Variants in DCC observed in about 807,000 individuals in gnomAD.
DCC encodes the protein DCC netrin 1 receptor.
DCC carries 58 observed loss-of-function variants against 172.5 expected under a neutral mutation model. That is an observed-to-expected ratio of 0.34 (90% CI 0.27 to 0.42). The LOEUF (loss-of-function observed/expected upper bound fraction) is 0.42, where lower values mean the gene tolerates loss of function less well. DCC is among the 10% of genes least tolerant of loss of function. The pLI is 1.00. For missense variants in DCC, 1,740 were observed against 1,791.0 expected (o/e 0.97, Z 0.51); for synonymous variants, 709 against 644.5 (o/e 1.10, Z -1.52).
intron 2 of DCC, among the ~76,000 whole-genome samples, chr18:52,759,431 CCTTTT>C (rs1353141364): frequency 6.6e-6 from 1 of 152,110 alleles, no homozygotes; most frequent in Non-Finnish European, 1.5e-5. Flanking sequence ...CCTTTCATTT[CCTTTT>C]CTTTGTTATG....
At chr18:52,991,641 C>T (rs543044515) in intron 5 of DCC, among the ~76,000 whole-genome samples, 3 of 152,270 alleles carry the variant, frequency 2.0e-5, no homozygotes, top group South Asian at 4.1e-4. Flanking sequence ...ATCTTATTCC[C>T]TCATTTACCC....
At chr18:53,170,094 A>G (rs893280550) in intron 8 of DCC, among the ~76,000 whole-genome samples, 8 of 152,212 alleles carry the variant, frequency 5.3e-5, no homozygotes, top group African/African-American at 1.9e-4. Flanking sequence ...TGTGAAGGAT[A>G]ACATGGCAGG....
chr18:52,774,306 C>T (rs899106624), intron 2 of DCC, among the ~76,000 whole-genome samples: 2 of 152,170 alleles, frequency 1.3e-5, no homozygotes, highest in East Asian at 3.9e-4. Context: ...TTAGACCAGG[C>T]CCAGTTTGAT....
At chr18:53,029,712 C>G (rs2042002642) in intron 5 of DCC, among the ~76,000 whole-genome samples, 1 of 152,078 alleles carries the variant, frequency 6.6e-6, no homozygotes. Flanking sequence ...AAAACCCTAT[C>G]CTATCATTTT....
At chr18:53,206,242 A>C (rs117100050) in intron 10 of DCC, among the ~76,000 whole-genome samples, 7,634 of 112,228 alleles carry the variant, frequency 0.068, 277 homozygotes, top group Non-Finnish European at 0.088. Flanking sequence ...TGTGTTATAC[A>C]TAATACATAT....
chr18:52,603,103 C>A (rs764148101), intron 1 of DCC, among the ~76,000 whole-genome samples: 2 of 151,940 alleles, frequency 1.3e-5, no homozygotes, highest in South Asian at 2.1e-4. Context: ...TGAGAAGCAC[C>A]TTTATAGTGT....
intron 5 of DCC, among the ~76,000 whole-genome samples, chr18:52,957,547 C>T (rs555617046): frequency 1.3e-5 from 2 of 152,186 alleles, no homozygotes; most frequent in Non-Finnish European, 2.9e-5. Context: ...CCATTATCTC[C>T]TGCATTTTAT....
intron 10 of DCC, among the ~76,000 whole-genome samples, chr18:53,206,259 C>A (rs1452288783): frequency 7.4e-6 from 1 of 134,302 alleles, no homozygotes; most frequent in Non-Finnish European, 1.5e-5. Flanking sequence ...ATATATACCA[C>A]ATATATGTAT....
chr18:53,151,459 C>A (rs532775469), intron 7 of DCC, among the ~76,000 whole-genome samples: 1 of 152,154 alleles, frequency 6.6e-6, no homozygotes, highest in Non-Finnish European at 1.5e-5. Flanking sequence ...ACAGTAGGAA[C>A]ATGATAGATA....
intron 1 of DCC, among the ~76,000 whole-genome samples, chr18:52,344,296 G>T (rs1195508964): frequency 6.6e-6 from 1 of 152,154 alleles, no homozygotes; most frequent in African/African-American, 2.4e-5. Context: ...GCTGTAGTAT[G>T]GTTTCCTAAA....
chr18:52,560,795 G>A (rs1472797498), intron 1 of DCC, among the ~76,000 whole-genome samples: 6 of 152,144 alleles, frequency 3.9e-5, no homozygotes, highest in Non-Finnish European at 8.8e-5. Flanking sequence ...TGAGAATGTG[G>A]TATGGTGTGT....
chr18:52,864,483 G>A (rs1235508971), intron 2 of DCC, among the ~76,000 whole-genome samples: 1 of 152,040 alleles, frequency 6.6e-6, no homozygotes, highest in Non-Finnish European at 1.5e-5. Flanking sequence ...TTTGATAGGT[G>A]GCTTTTTAAC....
intron 1 of DCC, among the ~76,000 whole-genome samples, chr18:52,394,835 T>A (rs1297250739): frequency 6.6e-6 from 1 of 152,040 alleles, no homozygotes; most frequent in Non-Finnish European, 1.5e-5. Context: ...GCCAATGGCA[T>A]CAGAGAGCAG....
intron 1 of DCC, among the ~76,000 whole-genome samples, chr18:52,566,240 T>C (rs56171638): frequency 1.3e-5 from 2 of 152,022 alleles, no homozygotes; most frequent in Non-Finnish European, 2.9e-5. Flanking sequence ...CTGGAAACCA[T>C]AATTCTCAGC....
At chr18:53,312,636 C>T (rs1381066283) in intron 13 of DCC, among the ~76,000 whole-genome samples, 1 of 150,456 alleles carries the variant, frequency 6.6e-6, no homozygotes, top group Admixed American at 6.6e-5. Context: ...CGAGAAACCC[C>T]GTCTTTACTA....
At chr18:52,562,633 A>G (rs1412240619) in intron 1 of DCC, among the ~76,000 whole-genome samples, 1 of 152,158 alleles carries the variant, frequency 6.6e-6, no homozygotes. Flanking sequence ...ATCTCCAAAC[A>G]CTGTTGCCGC....
At chr18:52,759,162 T>A (rs1304168776) in intron 2 of DCC, 3 of 152,166 alleles carry the variant, frequency 2.0e-5, no homozygotes, top group African/African-American at 7.2e-5. Context: ...GATACAGCCA[T>A]CACCAATATT....
intron 5 of DCC, among the ~76,000 whole-genome samples, chr18:52,937,653 T>TA (rs930999919): frequency 6.6e-6 from 1 of 151,990 alleles, no homozygotes; most frequent in Non-Finnish European, 1.5e-5. Flanking sequence ...CTGGCTAATT[T>TA]AAAAAAAATT....
At chr18:52,611,296 C>A (rs1369752933) in intron 1 of DCC, among the ~76,000 whole-genome samples, 1 of 152,132 alleles carries the variant, frequency 6.6e-6, no homozygotes, top group Non-Finnish European at 1.5e-5. Flanking sequence ...TCATCAAGGT[C>A]CCATTCAGTT....
Sources: gnomAD v4.1 joint callset for allele counts (sites outside exome capture counted in the v4.1 genomes callset) on GRCh38, gnomAD v4.1.1 for gene constraint, MANE v1.5 for transcripts, NCBI Gene and HGNC (gene_info 2026-07-23, HGNC 2026-07-21) for gene names.